The following STIM1 variants were observed in gnomAD, a reference collection of about 807,000 sequenced individuals.
STIM1 encodes the protein stromal interaction molecule 1.
In STIM1, 25 loss-of-function variants were observed where a neutral mutation model predicts 74.7. The observed-to-expected ratio is 0.33, with a 90% CI of 0.24 to 0.47. STIM1 has a LOEUF of 0.47. Among genes scored for constraint, STIM1 ranks in the 20% least tolerant of loss-of-function variants. The probability of loss-of-function intolerance (pLI) is 1.00; values close to 1 mark genes in which losing one functional copy is unlikely to be tolerated. For missense variants in STIM1, 728 were observed against 920.8 expected, an observed-to-expected ratio of 0.79 and a Z score of 2.71; for synonymous variants, 328 against 348.8, an observed-to-expected ratio of 0.94 and a Z score of 0.66.
In STIM1 at chr11:3,939,420, T is replaced by C. The variant is rs571701746; in HGVS notation, c.140-28132T>C. Among the ~76,000 whole-genome samples, 26 of 152,352 alleles carry C rather than the reference T, an allele frequency of 1.7e-4. No individual in the cohort carries two copies. In the East Asian group the frequency reaches 4.6e-3, roughly 27 times the overall value. On this transcript the variant is annotated intron_variant, in intron 1 of 12. Coordinates refer to ENST00000526596, the MANE Select transcript of STIM1 (RefSeq NM_001382567.1). ...ATGACATAGTTGAGGTTACCACTGATCTCATTTCTGCATTTCTCCCAACCA... is the reference window on the plus strand; with the variant it reads ...ATGACATAGTTGAGGTTACCACTGACCTCATTTCTGCATTTCTCCCAACCA...
intron 1 of STIM1, chr11:3,892,952 T>G: frequency 1.0e-6 from 1 of 1,000,338 alleles, no homozygotes; most frequent in Non-Finnish European, 1.5e-6. Context: ...TTATTTTTAA[T>G]AGAGATGGGG....
At chr11:4,025,854 TG>T (rs777162964) in intron 3 of STIM1, among the ~76,000 whole-genome samples, 9 of 152,276 alleles carry the variant, frequency 5.9e-5, no homozygotes, top group Non-Finnish European at 1.2e-4. Context: ...TGAGGTTTTT[TG>T]GGGGAGAGTC....
chr11:3,907,039 AC>A (rs1590552557), intron 1 of STIM1, among the ~76,000 whole-genome samples: 1 of 152,138 alleles, frequency 6.6e-6, no homozygotes, highest in East Asian at 1.9e-4. Context: ...AAGAAGGACA[AC>A]AGTAAAGAAG....
chr11:3,953,173 T>C (rs1299858908), intron 1 of STIM1, among the ~76,000 whole-genome samples: 3 of 152,254 alleles, frequency 2.0e-5, no homozygotes, highest in African/African-American at 7.2e-5. Flanking sequence ...TTTCCCTTTT[T>C]GCTCCTCCCA....
chr11:3,974,239 T>C (rs1445779278), intron 2 of STIM1: 11 of 386,054 alleles, frequency 2.8e-5, no homozygotes, highest in Non-Finnish European at 4.7e-5. Flanking sequence ...TTAGACATGA[T>C]AGCAGTGGGA....
chr11:3,959,068 G>C (rs2093254959), intron 1 of STIM1, among the ~76,000 whole-genome samples: 2 of 151,772 alleles, frequency 1.3e-5, no homozygotes, highest in Non-Finnish European at 2.9e-5. Flanking sequence ...CATGGTCCTT[G>C]ACCAAATTTG....
At position 4,022,009 on chromosome 11, in the gene STIM1, G is replaced by A. The variant is rs114690954; in HGVS notation, c.271-1864G>A. Among the ~76,000 whole-genome samples the A allele has an allele frequency of 9.8e-3, 1,482 of 151,260 alleles. 15 individuals are homozygous for A. Among genetic ancestry groups the A allele is most frequent in the African/African-American group, 0.033 (1,363 of 41,176 alleles). On this transcript the variant is annotated intron_variant, in intron 2 of 12. Transcript: ENST00000526596. The stretch of plus-strand genomic sequence containing the variant: ...GTTTACTAGCTCTAACAGTTTTTTG[G>A]TGGTGTCTGTAGGTTTTTCTAGATT...
At chr11:3,895,671 T>TTTC (rs2092072574) in intron 1 of STIM1, among the ~76,000 whole-genome samples, 9 of 43,348 alleles carry the variant, frequency 2.1e-4, no homozygotes, top group Non-Finnish European at 2.9e-4. Context: ...TCTTTCTTTC[T>TTTC]TTCCTTCCTT....
intron 1 of STIM1, among the ~76,000 whole-genome samples, chr11:3,933,585 C>T (rs940692107): frequency 2.0e-5 from 3 of 152,076 alleles, no homozygotes; most frequent in Non-Finnish European, 4.4e-5. Context: ...CCTTGTCTAC[C>T]TTGACTTATT....
chr11:4,045,117 C>G (rs1303153022), intron 3 of STIM1, among the ~76,000 whole-genome samples: 10 of 152,042 alleles, frequency 6.6e-5, no homozygotes, highest in Non-Finnish European at 1.3e-4. Context: ...AGACTTGTAT[C>G]AAGGCATCCT....
At chr11:3,953,359 G>A (rs2093171598) in intron 1 of STIM1, among the ~76,000 whole-genome samples, 2 of 152,172 alleles carry the variant, frequency 1.3e-5, no homozygotes, top group African/African-American at 4.8e-5. Context: ...AGCCCAGATG[G>A]AGTTTCTTGT....
At chr11:3,910,847 G>C (rs1044944532) in intron 1 of STIM1, among the ~76,000 whole-genome samples, 1 of 151,474 alleles carries the variant, frequency 6.6e-6, no homozygotes, top group Non-Finnish European at 1.5e-5. Flanking sequence ...ATATCCGGGC[G>C]TGGTGGTGCC....
At chr11:4,047,492 T>C (rs1283804417) in intron 3 of STIM1, among the ~76,000 whole-genome samples, 2 of 152,148 alleles carry the variant, frequency 1.3e-5, no homozygotes, top group Non-Finnish European at 2.9e-5. Flanking sequence ...GGCATGTGTC[T>C]GTAATCCCAG....
intron 1 of STIM1, among the ~76,000 whole-genome samples, chr11:3,932,278 C>G (rs2092873903): frequency 6.6e-6 from 1 of 152,148 alleles, no homozygotes; most frequent in Non-Finnish European, 1.5e-5. Flanking sequence ...TGGAAGTTAA[C>G]AGGGTTTGGT....
At chr11:3,908,739 T>A (rs1267276525) in intron 1 of STIM1, among the ~76,000 whole-genome samples, 1 of 152,202 alleles carries the variant, frequency 6.6e-6, no homozygotes. Context: ...TTATAAATAT[T>A]GTTGCTTTGC....
chr11:4,011,766 G>A (rs1251851512), intron 2 of STIM1, among the ~76,000 whole-genome samples: 1 of 152,170 alleles, frequency 6.6e-6, no homozygotes, highest in African/African-American at 2.4e-5. Flanking sequence ...TGTTGCCATT[G>A]CTTTTGGTGC....
At chr11:4,016,280 A>G (rs2093895798) in intron 2 of STIM1, among the ~76,000 whole-genome samples, 2 of 151,800 alleles carry the variant, frequency 1.3e-5, no homozygotes, top group Non-Finnish European at 2.9e-5. Flanking sequence ...CTGTTTGTTA[A>G]TTTTCCTTCT....
rs533042455 is a variant in STIM1, at chr11:3,965,084, T to C, written c.140-2468T>C. On this transcript the variant is annotated intron_variant, in intron 1 of 12. Coordinates refer to ENST00000526596, the MANE Select transcript of STIM1 (RefSeq NM_001382567.1). ...TTTAGGTATGCTACCTATGATATTC[T>C]AGAACAGGGTTCAACAAACTATGGC... 5.9e-5 allele frequency among the ~76,000 whole-genome samples: 9 copies of C among 152,380 alleles called. No individual in the cohort carries two copies. In the East Asian group the frequency reaches 1.5e-3, roughly 26 times the overall value.
intron 2 of STIM1, among the ~76,000 whole-genome samples, chr11:4,012,311 G>T (rs1392516991): frequency 4.6e-5 from 7 of 152,180 alleles, no homozygotes; most frequent in African/African-American, 1.7e-4. Flanking sequence ...AAATTACCTT[G>T]GGCAGTGTGG....
Sources: allele counts gnomAD v4.1 joint callset (sites outside exome capture counted in the v4.1 genomes callset), GRCh38; gene constraint gnomAD v4.1.1; transcripts MANE v1.5; gene names NCBI Gene and HGNC (gene_info 2026-07-23, HGNC 2026-07-21).